MATN2: variants seen among roughly 807,000 people sequenced by gnomAD.
The protein encoded by MATN2 is matrilin 2.
A neutral mutation model predicts 103.2 loss-of-function variants in MATN2; 69 were observed. The observed-to-expected ratio is 0.67, with a 90% CI of 0.55 to 0.82. The LOEUF (loss-of-function observed/expected upper bound fraction) is 0.82. MATN2 is among the 40% of genes least tolerant of loss of function. The probability of loss-of-function intolerance (pLI) is 0.00; values close to 1 mark genes in which losing one functional copy is unlikely to be tolerated. For missense variants in MATN2, 1,023 were observed against 1,211.5 expected (o/e 0.84, Z 2.31); for synonymous variants, 429 against 450.2 (o/e 0.95, Z 0.60).
intron 2 of MATN2, among the ~76,000 whole-genome samples, chr8:97,914,645 TG>T (rs958667590): frequency 1.1e-4 from 16 of 152,140 alleles, no homozygotes; most frequent in African/African-American, 3.6e-4. Context: ...TGAGCCACTG[TG>T]CCCTGCCTGA....
intron 10 of MATN2, among the ~76,000 whole-genome samples, chr8:98,011,199 C>T (rs575369446): frequency 6.6e-6 from 1 of 152,272 alleles, no homozygotes; most frequent in South Asian, 2.1e-4. Context: ...GAACACTAAT[C>T]CTATCAGGTC....
rs141260329 is a variant in MATN2 at position 97,971,577 on chromosome 8, T to C, written c.959-7309T>C. ...TCAGCTGCCACTAAAGTCATGTTCATTGCCATCCAAAACTATTTTTCAAAG... is the reference window on the plus strand; with the variant it reads ...TCAGCTGCCACTAAAGTCATGTTCACTGCCATCCAAAACTATTTTTCAAAG... On this transcript the variant is annotated intron_variant, in intron 5 of 18. Coordinates refer to ENST00000254898, the MANE Select transcript of MATN2 (RefSeq NM_002380.5). Among the ~76,000 whole-genome samples, 135 of 152,322 alleles carry C rather than the reference T, an allele frequency of 8.9e-4. 3 individuals carry two copies. In the East Asian group the frequency reaches 0.022, roughly 25 times the overall value.
At chr8:97,936,031 G>A (rs1810359951) in intron 3 of MATN2, among the ~76,000 whole-genome samples, 1 of 152,064 alleles carries the variant, frequency 6.6e-6, no homozygotes, top group African/African-American at 2.4e-5. Context: ...TTGCAGGCAG[G>A]GACTTCCCAT....
chr8:97,896,488 A>C (rs563327103), intron 2 of MATN2, among the ~76,000 whole-genome samples: 1 of 152,208 alleles, frequency 6.6e-6, no homozygotes, highest in Non-Finnish European at 1.5e-5. Flanking sequence ...GCAGGACAAC[A>C]GGGATGGGGC....
At chr8:98,031,435 T>TA (rs1172335438) in intron 15 of MATN2, 1 of 147,828 alleles carries the variant, frequency 6.8e-6, no homozygotes, top group African/African-American at 2.4e-5. Context: ...CCAAGCAGTA[T>TA]AATAAGTGTT....
At chr8:97,952,562 G>A (rs1282889265) in intron 4 of MATN2, among the ~76,000 whole-genome samples, 1 of 149,650 alleles carries the variant, frequency 6.7e-6, no homozygotes, top group African/African-American at 2.5e-5. Context: ...TCTAAAGGAA[G>A]GCACTTACAT....
intron 1 of MATN2, among the ~76,000 whole-genome samples, chr8:97,881,143 C>T (rs1818240473): frequency 6.6e-6 from 1 of 152,230 alleles, no homozygotes; most frequent in African/African-American, 2.4e-5. Flanking sequence ...TCCCCTTTCT[C>T]TTTTTGTCTG....
At chr8:98,011,408 T>C (rs550673696) in intron 10 of MATN2, among the ~76,000 whole-genome samples, 6 of 152,290 alleles carry the variant, frequency 3.9e-5, no homozygotes, top group African/African-American at 1.4e-4. Context: ...AACTAGAGAT[T>C]TTCCCTTATT....
At chr8:98,027,153 G>A (rs989844021) in intron 13 of MATN2, among the ~76,000 whole-genome samples, 1 of 151,922 alleles carries the variant, frequency 6.6e-6, no homozygotes, top group African/African-American at 2.4e-5. Flanking sequence ...ATGTAGACTT[G>A]GTTTCCTAGA....
At chr8:97,992,928 C>T (rs868405371) in intron 6 of MATN2, among the ~76,000 whole-genome samples, 1 of 144,568 alleles carries the variant, frequency 6.9e-6, no homozygotes, top group African/African-American at 2.6e-5. Context: ...TCAAAACAAA[C>T]AATAATAATA....
chr8:97,972,672 G>T (rs1256076898), intron 5 of MATN2, among the ~76,000 whole-genome samples: 2 of 152,170 alleles, frequency 1.3e-5, no homozygotes, highest in Admixed American at 1.3e-4. Context: ...ATTGATTTTA[G>T]GGTTTTATTA....
chr8:97,997,702 ATAAG>A (rs986257583), intron 7 of MATN2, among the ~76,000 whole-genome samples: 1 of 152,186 alleles, frequency 6.6e-6, no homozygotes, highest in Admixed American at 6.5e-5. Context: ...TAGTGAATGA[ATAAG>A]TGAGTGAGTG....
intron 6 of MATN2, among the ~76,000 whole-genome samples, chr8:97,983,526 T>C (rs1812094054): frequency 6.6e-6 from 1 of 152,234 alleles, no homozygotes; most frequent in African/African-American, 2.4e-5. Flanking sequence ...AGGACTTCAG[T>C]CTGCTGGACA....
At chr8:97,884,657 G>C (rs950645013) in intron 1 of MATN2, among the ~76,000 whole-genome samples, 5 of 152,046 alleles carry the variant, frequency 3.3e-5, no homozygotes, top group African/African-American at 1.2e-4. Flanking sequence ...GGTAGTCCCA[G>C]CTACTGGGGC....
intron 3 of MATN2, among the ~76,000 whole-genome samples, chr8:97,932,966 C>G (rs900406997): frequency 3.3e-5 from 5 of 152,076 alleles, no homozygotes; most frequent in African/African-American, 1.2e-4. Context: ...GGAGAGGGCA[C>G]CCAGGAGGGG....
intron 7 of MATN2, among the ~76,000 whole-genome samples, chr8:97,996,458 G>C (rs1179391872): frequency 6.6e-6 from 1 of 152,224 alleles, no homozygotes; most frequent in African/African-American, 2.4e-5. Flanking sequence ...GCCCCGACCA[G>C]AGTCCCTAAT....
chr8:97,915,666 G>T (rs1809601444), intron 2 of MATN2, among the ~76,000 whole-genome samples: 1 of 152,196 alleles, frequency 6.6e-6, no homozygotes, highest in Non-Finnish European at 1.5e-5. Flanking sequence ...ACAGGTCTCT[G>T]CTCTGCTCTG....
intron 4 of MATN2, among the ~76,000 whole-genome samples, chr8:97,945,715 A>AT (rs554472078): frequency 0.02 from 1,411 of 71,724 alleles, 12 homozygotes; most frequent in African/African-American, 0.057. Context: ...GAAAAAAAAA[A>AT]AAATATATAT....
chr8:98,001,960 T>C (rs1303175977), intron 7 of MATN2, among the ~76,000 whole-genome samples: 4 of 152,156 alleles, frequency 2.6e-5, no homozygotes, highest in Non-Finnish European at 5.9e-5. Context: ...GTAATGGTTA[T>C]TGGCAAGACA....
Sources: allele counts gnomAD v4.1 joint callset (sites outside exome capture counted in the v4.1 genomes callset), GRCh38; gene constraint gnomAD v4.1.1; transcripts MANE v1.5; gene names NCBI Gene and HGNC (gene_info 2026-07-23, HGNC 2026-07-21).